Variants in MGMT observed in about 807,000 individuals in gnomAD.
MGMT encodes O-6-methylguanine-DNA methyltransferase, also known as methylated-DNA--protein-cysteine methyltransferase.
MGMT carries 14 observed loss-of-function variants against 15.9 expected under a neutral mutation model. That is an observed-to-expected ratio of 0.88 (90% confidence interval 0.58 to 1.37). The LOEUF (loss-of-function observed/expected upper bound fraction) is 1.37. Ranked by LOEUF, MGMT falls within the 40% of genes most tolerant of loss-of-function variation. The pLI is 0.00. For synonymous variants in MGMT, 130 were observed against 118.2 expected (o/e 1.10, Z -0.65); for missense variants, 282 against 268.1 (o/e 1.05, Z -0.36).
intron 1 of MGMT, among the ~76,000 whole-genome samples, chr10:129,479,060 C>T (rs563432550): frequency 3.1e-4 from 47 of 152,300 alleles, no homozygotes; most frequent in East Asian, 9.6e-4. Flanking sequence ...TTCGTAAACA[C>T]GGTTCTGTGA....
chr10:129,732,145 T>G (rs541449104), intron 3 of MGMT, among the ~76,000 whole-genome samples: 6 of 119,824 alleles, frequency 5.0e-5, no homozygotes, highest in African/African-American at 1.4e-4. Flanking sequence ...TGTTGTGGGC[T>G]CCTCCTTTTT....
intron 3 of MGMT, among the ~76,000 whole-genome samples, chr10:129,720,880 T>G (rs74508278): frequency 6.6e-6 from 1 of 151,864 alleles, no homozygotes; most frequent in South Asian, 2.1e-4. Context: ...GCTCAGGGCA[T>G]GGACCCCAAA....
intron 2 of MGMT, among the ~76,000 whole-genome samples, chr10:129,655,243 G>A (rs1051487379): frequency 6.6e-6 from 1 of 152,240 alleles, no homozygotes; most frequent in Non-Finnish European, 1.5e-5. Context: ...GTGGTTTCCT[G>A]TGTGTCTGCC....
chr10:129,505,245 C>T (rs557674992), intron 1 of MGMT, among the ~76,000 whole-genome samples: 2 of 142,644 alleles, frequency 1.4e-5, no homozygotes, highest in South Asian at 4.4e-4. Flanking sequence ...AGTCCCCCAA[C>T]CCCACTTTTA....
intron 2 of MGMT, among the ~76,000 whole-genome samples, chr10:129,668,284 T>TA (rs200384311): frequency 0.096 from 13,913 of 144,854 alleles, 1,565 homozygotes; most frequent in African/African-American, 0.27. Flanking sequence ...ATATTCATCT[T>TA]AAAAAAAAAA....
chr10:129,632,864 G>A (rs938192752), intron 2 of MGMT, among the ~76,000 whole-genome samples: 8 of 151,668 alleles, frequency 5.3e-5, no homozygotes, highest in Non-Finnish European at 1.0e-4. Context: ...ACTTAGATAC[G>A]ACGGAATGAG....
intron 2 of MGMT, among the ~76,000 whole-genome samples, chr10:129,609,634 G>A (rs1335921384): frequency 1.3e-5 from 2 of 152,246 alleles, no homozygotes; most frequent in African/African-American, 4.8e-5. Flanking sequence ...GGTACATTAG[G>A]TTTGGGACTT....
intron 2 of MGMT, among the ~76,000 whole-genome samples, chr10:129,671,560 A>G (rs542818192): frequency 1.3e-5 from 2 of 152,280 alleles, no homozygotes; most frequent in African/African-American, 2.4e-5. Flanking sequence ...CACAAAACAC[A>G]ATATATTTAC....
chr10:129,721,700 A>C (rs1848373382), intron 3 of MGMT, among the ~76,000 whole-genome samples: 1 of 152,240 alleles, frequency 6.6e-6, no homozygotes, highest in Non-Finnish European at 1.5e-5. Flanking sequence ...ATTTAAGGGC[A>C]GACTTTGATA....
intron 1 of MGMT, among the ~76,000 whole-genome samples, chr10:129,494,384 A>G (rs914207734): frequency 6.6e-6 from 1 of 152,192 alleles, no homozygotes; most frequent in Non-Finnish European, 1.5e-5. Flanking sequence ...CCTGGGGCTT[A>G]CCTGAATGAC....
intron 2 of MGMT, among the ~76,000 whole-genome samples, chr10:129,595,770 C>T (rs1380085814): frequency 2.6e-5 from 4 of 152,062 alleles, no homozygotes; most frequent in Non-Finnish European, 5.9e-5. Context: ...TTGTCTAATC[C>T]TCCTGCAGGT....
At chr10:129,580,995 T>TG (rs1297323819) in intron 2 of MGMT, among the ~76,000 whole-genome samples, 1 of 152,094 alleles carries the variant, frequency 6.6e-6, no homozygotes, top group Non-Finnish European at 1.5e-5. Context: ...AGCAGGTGCT[T>TG]GGGGGATGTC....
rs115356712 is a variant in MGMT at position 129,528,402 on chromosome 10, G to A, written c.-12-7839G>A. On this transcript the variant is annotated intron_variant, in intron 1 of 4. Transcript: ENST00000651593. The stretch of plus-strand genomic sequence containing the variant: ...AGTTGTGCTTCTCTGAGAAAGTGAC[G>A]TCTGAGCATGGTTGTGAGTGGGATG... 3.4e-3 allele frequency among the ~76,000 whole-genome samples: 507 copies of A among 150,430 alleles called. 2 individuals carry two copies. Among genetic ancestry groups the A allele is most frequent in the African/African-American group, 0.011 (465 of 40,754 alleles).
intron 2 of MGMT, among the ~76,000 whole-genome samples, chr10:129,551,909 C>T (rs1292298453): frequency 6.6e-6 from 1 of 152,146 alleles, no homozygotes. Context: ...ACGCTGAGTA[C>T]CAAAGGCGAG....
intron 2 of MGMT, among the ~76,000 whole-genome samples, chr10:129,657,687 A>ACACACACACACACACACACG (rs1311408814): frequency 2.1e-5 from 3 of 140,024 alleles, no homozygotes; most frequent in Admixed American, 7.1e-5. Flanking sequence ...ACACACACAC[A>ACACACACACACACACACACG]CACACACACA....
intron 1 of MGMT, among the ~76,000 whole-genome samples, chr10:129,524,391 G>C (rs571756508): frequency 1.1e-3 from 169 of 152,252 alleles, no homozygotes; most frequent in Non-Finnish European, 2.0e-3. Flanking sequence ...GTGTCTCCCA[G>C]CTCTGCCATG....
chr10:129,652,968 A>C (rs972164552), intron 2 of MGMT, among the ~76,000 whole-genome samples: 1 of 152,180 alleles, frequency 6.6e-6, no homozygotes, highest in African/African-American at 2.4e-5. Flanking sequence ...GTGTGGGCTG[A>C]GGGTGCCAGC....
chr10:129,566,662 C>T lies in MGMT; in HGVS notation c.125+30285C>T, dbSNP rs1199017701. ...CTGTTTCTCTTCTCCCACTGTTGGT[C>T]GTTGGCTGGATCTCGTTGAAGGCCT... On this transcript the variant is annotated intron_variant, in intron 2 of 4. Transcript: ENST00000651593. The surrounding 1 kb of genome is among the most constrained non-coding windows in gnomAD (Gnocchi z 4.1). 6.6e-6 allele frequency among the ~76,000 whole-genome samples: 1 copy of T among 152,060 alleles called. No individual in the cohort carries two copies. Among genetic ancestry groups the T allele is most frequent in the African/African-American group, 2.4e-5 (1 of 41,398 alleles).
At position 129,584,680 on chromosome 10, in the gene MGMT, C is replaced by A. The variant is rs555185370; in HGVS notation, c.125+48303C>A. ...CCTCTGGTACCAGCCCACCACTAGT[C>A]TGTCTGTGTCTGTGGTTTTCCCTGT... is the stretch of plus-strand genomic sequence containing the variant. On this transcript the variant is annotated intron_variant, in intron 2 of 4. Coordinates refer to ENST00000651593, the MANE Select transcript of MGMT (RefSeq NM_002412.5). Among the ~76,000 whole-genome samples the A allele has an allele frequency of 1.4e-3, 217 of 152,254 alleles. 2 individuals are homozygous for A. Among genetic ancestry groups the A allele is most frequent in the African/African-American group, 5.0e-3 (209 of 41,564 alleles).
Sources: gnomAD v4.1 joint callset for allele counts (sites outside exome capture counted in the v4.1 genomes callset) on GRCh38, gnomAD v4.1.1 for gene constraint, Gnocchi (gnomAD v3.1) non-coding constraint, MANE v1.5 for transcripts, NCBI Gene and HGNC (gene_info 2026-07-23, HGNC 2026-07-21) for gene names.